Variants in PTPRM observed in about 807,000 individuals in gnomAD.
PTPRM encodes receptor-type tyrosine-protein phosphatase mu.
A neutral mutation model predicts 186.7 loss-of-function variants in PTPRM; 47 were observed. The ratio of observed to expected loss-of-function variants is 0.25; its 90% CI spans 0.20 to 0.32. The LOEUF (loss-of-function observed/expected upper bound fraction) is 0.32, where lower values mean the gene tolerates loss of function less well. Among genes scored for constraint, PTPRM ranks in the 10% least tolerant of loss-of-function variants. The pLI is 1.00. For missense variants in PTPRM, 1,494 were observed against 1,865.0 expected (o/e 0.80, Z 3.66); for synonymous variants, 668 against 674.9 (o/e 0.99, Z 0.16).
chr18:7,834,477 C>T (rs1196785380), intron 2 of PTPRM, among the ~76,000 whole-genome samples: 2 of 122,814 alleles, frequency 1.6e-5, no homozygotes, highest in Non-Finnish European at 3.5e-5. Context: ...AAAATACAGG[C>T]CAATATACAA....
intron 7 of PTPRM, among the ~76,000 whole-genome samples, chr18:8,004,474 A>G (rs1030008564): frequency 3.9e-5 from 6 of 152,046 alleles, no homozygotes; most frequent in Admixed American, 3.3e-4. Context: ...TTAAAAAAAA[A>G]AAAAGAAAAT....
At chr18:8,214,630 T>A (rs2094054504) in intron 14 of PTPRM, among the ~76,000 whole-genome samples, 1 of 152,172 alleles carries the variant, frequency 6.6e-6, no homozygotes, top group Non-Finnish European at 1.5e-5. Context: ...TGGTTTGTAT[T>A]TCTAATACGA....
At chr18:8,147,364 A>G (rs1049563163) in intron 14 of PTPRM, among the ~76,000 whole-genome samples, 8 of 152,164 alleles carry the variant, frequency 5.3e-5, no homozygotes, top group African/African-American at 1.9e-4. Context: ...GGTCCTTCAC[A>G]TCCCTTGTAA....
chr18:8,208,689 T>C (rs182813575), intron 14 of PTPRM, among the ~76,000 whole-genome samples: 1 of 152,262 alleles, frequency 6.6e-6, no homozygotes, highest in Admixed American at 6.5e-5. Flanking sequence ...TTTAAAAAAA[T>C]TTTGTAGAGA....
chr18:8,276,344 C>T (rs1181913033), intron 19 of PTPRM, among the ~76,000 whole-genome samples: 1 of 152,178 alleles, frequency 6.6e-6, no homozygotes, highest in African/African-American at 2.4e-5. Flanking sequence ...GGTCTCCACA[C>T]TGCCCATTTT....
chr18:7,635,899 C>G (rs892291429), intron 1 of PTPRM, among the ~76,000 whole-genome samples: 11 of 152,120 alleles, frequency 7.2e-5, no homozygotes, highest in African/African-American at 2.7e-4. Flanking sequence ...CATAGAATGC[C>G]CACTTCCACT....
chr18:7,684,316 A>T (rs2039547577), intron 1 of PTPRM, among the ~76,000 whole-genome samples: 1 of 152,068 alleles, frequency 6.6e-6, no homozygotes, highest in Non-Finnish European at 1.5e-5. Context: ...AATAAATAAA[A>T]TAAATGAATG....
Position 7,860,672 on chromosome 18 carries a change from A to G in PTPRM, c.197-27434A>G, listed in dbSNP as rs1426813734. Among the ~76,000 whole-genome samples, 3 of 152,192 alleles carry G rather than the reference A, an allele frequency of 2.0e-5. No individual in the cohort carries two copies. The East Asian group carries it at 5.8e-4, about 29-fold the overall frequency. Reference sequence around the variant, plus strand: ...TTTAACAGAAATGCTGAATACTTCTATTTAGCAGAAACATTAAAAACAAGG... The same window carrying G: ...TTTAACAGAAATGCTGAATACTTCTGTTTAGCAGAAACATTAAAAACAAGG... On this transcript the variant is annotated intron_variant, in intron 2 of 32. Transcript: ENST00000580170.
At chr18:7,896,474 G>C (rs1303566719) in intron 3 of PTPRM, among the ~76,000 whole-genome samples, 2 of 152,126 alleles carry the variant, frequency 1.3e-5, no homozygotes, top group African/African-American at 4.8e-5. Flanking sequence ...AGGCCAGGGA[G>C]GCAGTGATCT....
chr18:8,210,992 G>C (rs1299106545), intron 14 of PTPRM, among the ~76,000 whole-genome samples: 2 of 152,178 alleles, frequency 1.3e-5, no homozygotes, highest in Admixed American at 6.5e-5. Flanking sequence ...GTAAGGTGAG[G>C]ACTAAAAAGT....
intron 7 of PTPRM, among the ~76,000 whole-genome samples, chr18:8,049,584 T>G (rs1480196731): frequency 6.6e-6 from 1 of 152,194 alleles, no homozygotes; most frequent in Non-Finnish European, 1.5e-5. Context: ...GGATAAAGAT[T>G]CATGTTAATG....
intron 13 of PTPRM, among the ~76,000 whole-genome samples, chr18:8,119,096 T>C (rs983171646): frequency 3.3e-5 from 5 of 152,128 alleles, no homozygotes; most frequent in Non-Finnish European, 7.3e-5. Flanking sequence ...TAAGGGACTT[T>C]TTCATGAAAA....
chr18:7,619,405 C>T (rs1470993186), intron 1 of PTPRM, among the ~76,000 whole-genome samples: 1 of 152,130 alleles, frequency 6.6e-6, no homozygotes, highest in Non-Finnish European at 1.5e-5. Context: ...ACTGGGGACT[C>T]CAGTCCCGGA....
chr18:8,318,931 C>T (rs1194641325), intron 21 of PTPRM, among the ~76,000 whole-genome samples: 1 of 152,216 alleles, frequency 6.6e-6, no homozygotes, highest in South Asian at 2.1e-4. Flanking sequence ...GTTTCTTGCT[C>T]ATCCATCATC....
At chr18:7,718,755 A>T (rs2040391310) in intron 1 of PTPRM, among the ~76,000 whole-genome samples, 1 of 152,248 alleles carries the variant, frequency 6.6e-6, no homozygotes, top group Non-Finnish European at 1.5e-5. Context: ...AAAGGACAAG[A>T]ATAGATGATT....
At chr18:8,174,042 A>G (rs11664606) in intron 14 of PTPRM, among the ~76,000 whole-genome samples, 86,219 of 150,388 alleles carry the variant, frequency 0.57, 25,322 homozygotes, top group African/African-American at 0.67. Context: ...CTCCAGTCTG[A>G]GCAACAGAGC....
intron 19 of PTPRM, among the ~76,000 whole-genome samples, chr18:8,265,887 A>G (rs999109499): frequency 3.3e-5 from 5 of 152,126 alleles, no homozygotes; most frequent in Non-Finnish European, 7.4e-5. Context: ...CTGGATTTCC[A>G]GTTTCATGGG....
At chr18:8,374,077 A>G (rs956172225) in intron 24 of PTPRM, among the ~76,000 whole-genome samples, 5 of 152,222 alleles carry the variant, frequency 3.3e-5, no homozygotes, top group African/African-American at 9.6e-5. Flanking sequence ...TGCTATGTCA[A>G]TGAACAAGAA....
intron 11 of PTPRM, among the ~76,000 whole-genome samples, chr18:8,107,436 T>C (rs953270634): frequency 1.3e-5 from 2 of 152,230 alleles, no homozygotes. Flanking sequence ...GGGATGGTAA[T>C]TGAGTTCATA....
Sources: allele counts gnomAD v4.1 joint callset (sites outside exome capture counted in the v4.1 genomes callset), GRCh38; gene constraint gnomAD v4.1.1; transcripts MANE v1.5; gene names NCBI Gene and HGNC (gene_info 2026-07-23, HGNC 2026-07-21).